The following TMEM8B variants were observed in gnomAD, a reference collection of about 807,000 sequenced individuals.
TMEM8B encodes transmembrane protein 8B.
A neutral mutation model predicts 49.3 loss-of-function variants in TMEM8B; 29 were observed. That is an observed-to-expected ratio of 0.59 (90% CI 0.44 to 0.80). The LOEUF is 0.80. TMEM8B is among the 30% of genes least tolerant of loss of function. The pLI is 0.00. For missense variants in TMEM8B, 575 were observed against 658.5 expected, an observed-to-expected ratio of 0.87 and a Z score of 1.39; for synonymous variants, 264 against 272.8, an observed-to-expected ratio of 0.97 and a Z score of 0.32.
At chr9:35,839,778 G>A (rs555308495) in intron 3 of TMEM8B, among the ~76,000 whole-genome samples, 2 of 152,072 alleles carry the variant, frequency 1.3e-5, no homozygotes, top group East Asian at 1.9e-4. Flanking sequence ...TTGGTTCTTC[G>A]GGTTTGACAC....
In TMEM8B at chr9:35,853,406, A is replaced by G; in HGVS notation, c.2440-99A>G. The G allele has an allele frequency of 6.6e-7, 1 of 1,511,544 alleles. No homozygotes were observed. The highest frequency in any genetic ancestry group is 1.9e-5 in the Admixed American group (1 of 52,978). 93.6% of individuals were successfully genotyped at this position (1,511,544 alleles called of 1,614,324 possible). A position where few individuals can be genotyped will look rare whatever the true frequency, so the allele number is the denominator to read the frequency against. On this transcript the variant is annotated intron_variant, in intron 12 of 12. Transcript: ENST00000643932. This position sits in a 1 kb window ranked among gnomAD's most constrained non-coding sequence, Gnocchi z 4.2. The stretch of plus-strand genomic sequence containing the variant: ...CGCTCCAGTCTTGGCAGGTGTCTTT[A>G]GGTCACAACCAGGATACAGAGGAAA...
Position 35,864,205 on chromosome 9 carries a change from T to C in TMEM8B, c.*10365T>C, listed in dbSNP as rs1026934766. The C allele has an allele frequency of 4.6e-5, 7 of 152,200 alleles. No homozygotes were observed. The highest frequency in any genetic ancestry group is 1.7e-4 in the African/African-American group (7 of 41,436). 9.4% of individuals were successfully genotyped at this position (152,200 alleles called of 1,614,324 possible). The stretch of plus-strand genomic sequence containing the variant: ...CGATATGCTGTAATCTCTGAAACAT[T>C]TCCTCATATGTTTCTAGCAACTTCC... On this transcript the variant is annotated 3_prime_UTR_variant, in exon 13 of 13. Transcript: ENST00000643932.
At chr9:35,845,889 T>G in intron 6 of TMEM8B, 86 bp from the exon 7 acceptor site, 1 of 1,605,612 alleles carries the variant, frequency 6.2e-7, no homozygotes, top group Non-Finnish European at 8.5e-7. Flanking sequence ...TTGGAAGGTG[T>G]GGGTTAACAG....
intron 3 of TMEM8B, among the ~76,000 whole-genome samples, chr9:35,836,497 T>A (rs572158725): frequency 6.6e-6 from 1 of 152,322 alleles, no homozygotes; most frequent in South Asian, 2.1e-4. Flanking sequence ...GCTCTAGTTA[T>A]CCAAAAACCT....
At chr9:35,835,641 C>A (rs531664200) in intron 3 of TMEM8B, among the ~76,000 whole-genome samples, 1 of 152,224 alleles carries the variant, frequency 6.6e-6, no homozygotes, top group South Asian at 2.1e-4. Context: ...TCTTAGGCCA[C>A]GGCCCAGTAT....
At chr9:35,832,613 T>C (rs979121673) in intron 1 of TMEM8B, among the ~76,000 whole-genome samples, 5 of 152,134 alleles carry the variant, frequency 3.3e-5, no homozygotes, top group African/African-American at 1.2e-4. Flanking sequence ...ATTAAACTGC[T>C]TTTCACCACT....
chr9:35,850,484 C>G (rs890675654), intron 10 of TMEM8B, among the ~76,000 whole-genome samples: 3 of 152,178 alleles, frequency 2.0e-5, no homozygotes, highest in Admixed American at 2.0e-4. Flanking sequence ...CTAATTCCCT[C>G]ACACTACAAT....
chr9:35,829,468 G>A lies in TMEM8B; in HGVS notation c.21G>A (p.Arg7=), dbSNP rs1240422206. 11 of 365,464 alleles carry A rather than the reference G, an allele frequency of 3.0e-5. No homozygotes were observed. The highest frequency in any genetic ancestry group is 1.9e-4 in the African/African-American group (9 of 46,646). The allele number at this position is 365,464 out of a possible 1,614,324, so 22.6% of individuals were successfully genotyped here. A position where few individuals can be genotyped will look rare whatever the true frequency, so the allele number is the denominator to read the frequency against. Residue 7 remains arginine (R), a synonymous_variant, in exon 1 of 13, where the codon CGG becomes CGA. Transcript: ENST00000643932. MAQPLS[R]PLVLSQSPPW... ...GGGCCATGGCCCAGCCCTTGTCCCG[G>A]CCCCTCGTCCTATCCCAATCCCCGC...
chr9:35,831,036 A>C (rs187195239), intron 1 of TMEM8B, among the ~76,000 whole-genome samples: 16 of 152,338 alleles, frequency 1.1e-4, no homozygotes, highest in African/African-American at 3.8e-4. Context: ...AACAGCCAAC[A>C]GAACAGCTGG....
Position 35,847,464 on chromosome 9 carries a change from C to T in TMEM8B, c.2175+469C>T, listed in dbSNP as rs561103736. Among the ~76,000 whole-genome samples, 64 of 152,344 alleles carry T rather than the reference C, an allele frequency of 4.2e-4. 1 individual carries two copies. The highest frequency in any genetic ancestry group is 9.6e-4 in the African/African-American group (40 of 41,570). ...GCTACTCTGAGCTCCCCTTCTCCGT[C>T]GCACTGGGGACCTGCACATCGTTAG... On this transcript the variant is annotated intron_variant, in intron 10 of 12. Transcript: ENST00000643932.
rs1415353004 is a variant in TMEM8B, at chr9:35,829,297, C to A, written c.-151C>A. On this transcript the variant is annotated 5_prime_UTR_variant, in exon 1 of 13. Coordinates refer to ENST00000643932, the MANE Select transcript of TMEM8B (RefSeq NM_001042590.4). ...GCCGGTTCAGCGCAGCCCGGAGTCG[C>A]CCAGGCCTGAACTCCTACCCAGGTC... The A allele has an allele frequency of 2.7e-6, 1 of 365,018 alleles. No individual in the cohort carries two copies. Among genetic ancestry groups the A allele is most frequent in the Non-Finnish European group, 4.9e-6 (1 of 203,964 alleles). The allele number at this position is 365,018 out of a possible 1,614,324, so 22.6% of individuals were successfully genotyped here. A position where few individuals can be genotyped will look rare whatever the true frequency, so the allele number is the denominator to read the frequency against.
At position 35,835,186 on chromosome 9, in the gene TMEM8B, C is replaced by T. The variant is rs1830322137; in HGVS notation, c.874C>T (p.Leu292Phe). ...TGGGGACTGGTTCTTGGCTGCCCACCTTCCCCAGGCCCACGGCCACATCTC... is the reference window on the plus strand; with the variant it reads ...TGGGGACTGGTTCTTGGCTGCCCACTTTCCCCAGGCCCACGGCCACATCTC... ...LPGDWFLAAH[L>F]PQAHGHISVK... Residue 292 changes from leucine to phenylalanine, a missense_variant, in exon 3 of 13, where the codon CTT (leucine) becomes TTT (phenylalanine). Coordinates refer to ENST00000643932, the MANE Select transcript of TMEM8B (RefSeq NM_001042590.4). 1 of 415,814 alleles carries T rather than the reference C, an allele frequency of 2.4e-6. No individual in the cohort carries two copies. Among genetic ancestry groups the T allele is most frequent in the Non-Finnish European group, 4.4e-6 (1 of 226,432 alleles). The allele number at this position is 415,814 out of a possible 1,614,324, so 25.8% of individuals were successfully genotyped here. A position where few individuals can be genotyped will look rare whatever the true frequency, so the allele number is the denominator to read the frequency against.
At position 35,862,043 on chromosome 9, in the gene TMEM8B, C is replaced by T. The variant is rs1046598704; in HGVS notation, c.*8203C>T. On this transcript the variant is annotated 3_prime_UTR_variant, in exon 13 of 13. Coordinates refer to ENST00000643932, the MANE Select transcript of TMEM8B (RefSeq NM_001042590.4). Reference sequence around the variant, plus strand: ...GTGAACATCTACAGTTAGGGATTTTCTTGGTGATGTTTGGCAAAAAGTAAA... The same window carrying T: ...GTGAACATCTACAGTTAGGGATTTTTTTGGTGATGTTTGGCAAAAAGTAAA... 4.6e-5 allele frequency: 7 copies of T among 152,202 alleles called. No individual in the cohort carries two copies. Among genetic ancestry groups the T allele is most frequent in the Middle Eastern group, 3.2e-3 (1 of 316 alleles). 9.4% of individuals were successfully genotyped at this position (152,202 alleles called of 1,614,324 possible). A position where few individuals can be genotyped will look rare whatever the true frequency, so the allele number is the denominator to read the frequency against.
At chr9:35,850,244 AT>A (rs1454360428) in intron 10 of TMEM8B, among the ~76,000 whole-genome samples, 1 of 152,136 alleles carries the variant, frequency 6.6e-6, no homozygotes, top group African/African-American at 2.4e-5. Context: ...AAAATGTAAA[AT>A]TCCACAGAAA....
chr9:35,832,274 G>A (rs2132212219), intron 1 of TMEM8B, among the ~76,000 whole-genome samples: 1 of 151,948 alleles, frequency 6.6e-6, no homozygotes, highest in South Asian at 2.1e-4. Flanking sequence ...GGGGAACCTG[G>A]AATAAGTTCA....
At chr9:35,846,443 C>G in intron 8 of TMEM8B, 26 bp from the exon 9 acceptor site, 1 of 1,597,422 alleles carries the variant, frequency 6.3e-7, no homozygotes, top group Non-Finnish European at 8.5e-7. Context: ...GCCCGGGGCC[C>G]CAGGTGACTG....
intron 1 of TMEM8B, among the ~76,000 whole-genome samples, chr9:35,830,484 T>G (rs1588112620): frequency 6.6e-6 from 1 of 152,360 alleles, no homozygotes; most frequent in Non-Finnish European, 1.5e-5. Flanking sequence ...TTGATTTGCC[T>G]AGGAATAATT....
chr9:35,845,558 C>G, intron 6 of TMEM8B: 2 of 985,458 alleles, frequency 2.0e-6, no homozygotes, highest in South Asian at 4.7e-5. Flanking sequence ...TGTCTTCATG[C>G]TCCACCTGTC....
At chr9:35,849,847 A>G (rs1191914680) in intron 10 of TMEM8B, among the ~76,000 whole-genome samples, 1 of 152,232 alleles carries the variant, frequency 6.6e-6, no homozygotes, top group Non-Finnish European at 1.5e-5. Flanking sequence ...AAACATTTTA[A>G]TTGTGCAACT....
Sources: gnomAD v4.1 joint callset for allele counts (sites outside exome capture counted in the v4.1 genomes callset) on GRCh38, gnomAD v4.1.1 for gene constraint, Gnocchi (gnomAD v3.1) non-coding constraint, MANE v1.5 for transcripts, NCBI Gene and HGNC (gene_info 2026-07-23, HGNC 2026-07-21) for gene names.